IRS1: variants seen among roughly 807,000 people sequenced by gnomAD.
IRS1 encodes the protein insulin receptor substrate 1.
Under a neutral mutation model 65.6 loss-of-function variants are expected in IRS1, and 34 were observed. The observed-to-expected ratio is 0.52, with a 90% confidence interval of 0.39 to 0.69. The LOEUF (loss-of-function observed/expected upper bound fraction) is 0.69, where lower values mean the gene tolerates loss of function less well. Ranked by LOEUF, IRS1 falls within the 30% of genes least tolerant of loss-of-function variation. IRS1 has a pLI of 0.00. For missense variants in IRS1, 1,641 were observed against 1,720.2 expected (o/e 0.95, Z 0.81); for synonymous variants, 699 against 683.5 (o/e 1.02, Z -0.35).
chr2:226,791,236 G>C (rs995417957), intron 1 of IRS1, among the ~76,000 whole-genome samples: 2 of 152,134 alleles, frequency 1.3e-5, no homozygotes, highest in Non-Finnish European at 2.9e-5. Context: ...CTTGGTTGAG[G>C]GGGGCGGGCA....
rs916618081 is a variant in IRS1 at position 226,799,511 on chromosome 2, G to A, written c.-773C>T. On this transcript the variant is annotated 5_prime_UTR_variant, in exon 1 of 2. Transcript: ENST00000305123. This position sits in a 1 kb window ranked among gnomAD's most constrained non-coding sequence, Gnocchi z 6.1. ...CCACTGCAGCTGGGGACCGGCCGGA[G>A]GGACAGACTCATCCCTGCCCCTCGC... 8.0e-6 allele frequency: 9 copies of A among 1,129,988 alleles called. No homozygotes were observed. The East Asian group carries it at 6.6e-4, about 82-fold the overall frequency. The allele number at this position is 1,129,988 out of a possible 1,614,324, so 70.0% of individuals were successfully genotyped here.
Position 226,798,503 on chromosome 2 carries a change from T to G in IRS1, c.236A>C (p.Lys79Thr), listed in dbSNP as rs1288365568. 1.2e-6 allele frequency: 2 copies of G among 1,614,002 alleles called. No homozygotes were observed. The highest frequency in any genetic ancestry group is 1.7e-6 in the Non-Finnish European group (2 of 1,180,036). ...CFNINKRADS[K>T]NKHLVALYTR... ...GTAGAGAGCCACCAGGTGCTTGTTCTTGGAGTCAGCCCGCTTGTTGATGTT... is the reference window on the plus strand; with the variant it reads ...GTAGAGAGCCACCAGGTGCTTGTTCGTGGAGTCAGCCCGCTTGTTGATGTT... The change falls in exon 1 of 2, where the codon AAG becomes ACG. Residue 79 changes from lysine (K) to threonine (T), a missense_variant. Coordinates refer to ENST00000305123, the MANE Select transcript of IRS1 (RefSeq NM_005544.3). The surrounding 1 kb of genome is among the most constrained non-coding windows in gnomAD (Gnocchi z 9.4).
intron 1 of IRS1, among the ~76,000 whole-genome samples, chr2:226,784,036 ATCC>A: frequency 6.6e-6 from 1 of 152,086 alleles, no homozygotes; most frequent in East Asian, 1.9e-4. Flanking sequence ...CCCCCAGTCA[ATCC>A]TCCAACTGAC....
intron 1 of IRS1, among the ~76,000 whole-genome samples, chr2:226,746,292 TG>T (rs899442862): frequency 1.3e-5 from 2 of 152,164 alleles, no homozygotes; most frequent in African/African-American, 2.4e-5. Flanking sequence ...TTATGATTGT[TG>T]GGGGTGGGGG....
At chr2:226,775,574 A>G (rs559308446) in intron 1 of IRS1, among the ~76,000 whole-genome samples, 1 of 152,362 alleles carries the variant, frequency 6.6e-6, no homozygotes, top group East Asian at 1.9e-4. Flanking sequence ...GTTAGTACAC[A>G]CATACATTTC....
At chr2:226,758,267 A>G (rs549617764) in intron 1 of IRS1, among the ~76,000 whole-genome samples, 4 of 152,328 alleles carry the variant, frequency 2.6e-5, no homozygotes, top group East Asian at 3.9e-4. Flanking sequence ...ATTTTAAATA[A>G]TACTTGAAGA....
At position 226,799,709 on chromosome 2, in the gene IRS1, C is replaced by T. The variant is rs1284548169; in HGVS notation, c.-971G>A. On this transcript the variant is annotated 5_prime_UTR_variant, in exon 1 of 2. Coordinates refer to ENST00000305123, the MANE Select transcript of IRS1 (RefSeq NM_005544.3). This position sits in a 1 kb window ranked among gnomAD's most constrained non-coding sequence, Gnocchi z 6.1. ...GAGTTGCCGAGAGCCCCAACCAAAA[C>T]AAGCGGCGGCGTCTGGCTCTGCGCG... The T allele has an allele frequency of 5.6e-5, 56 of 999,806 alleles. No homozygotes were observed. The highest frequency in any genetic ancestry group is 1.0e-3 in the Middle Eastern group (2 of 1,940). 61.9% of individuals were successfully genotyped at this position (999,806 alleles called of 1,614,324 possible).
At position 226,733,062 on chromosome 2, in the gene IRS1, TC is replaced by T. The variant is rs1938260864; in HGVS notation, c.*3209del. 6.6e-6 allele frequency: 1 copy of T among 152,012 alleles called. No individual in the cohort carries two copies. The highest frequency in any genetic ancestry group is 1.5e-5 in the Non-Finnish European group (1 of 68,000). 9.4% of individuals were successfully genotyped at this position (152,012 alleles called of 1,614,324 possible). A position where few individuals can be genotyped will look rare whatever the true frequency, so the allele number is the denominator to read the frequency against. On this transcript the variant is annotated 3_prime_UTR_variant, in exon 2 of 2. Transcript: ENST00000305123. ...GTTGTCAGTGGATGGTGAAACCCTT[TC>T]CCCCCTTTTTTTAACCACCTGCAGT...
intron 1 of IRS1, among the ~76,000 whole-genome samples, chr2:226,741,667 T>C (rs1311491132): frequency 3.3e-5 from 5 of 152,066 alleles, no homozygotes; most frequent in Non-Finnish European, 7.4e-5. Context: ...TCACTGCTGA[T>C]ACACTTAATT....
At chr2:226,777,938 T>C (rs531757408) in intron 1 of IRS1, among the ~76,000 whole-genome samples, 142 of 152,304 alleles carry the variant, frequency 9.3e-4, no homozygotes, top group African/African-American at 3.0e-3. Context: ...ATATGTTGTA[T>C]TTGAAACCCA....
chr2:226,791,465 TGG>T (rs894995082), intron 1 of IRS1, among the ~76,000 whole-genome samples: 1 of 152,184 alleles, frequency 6.6e-6, no homozygotes, highest in African/African-American at 2.4e-5. Context: ...CCCCCGTCCG[TGG>T]GCTGGTTGGA....
chr2:226,796,988 T>C lies in IRS1; in HGVS notation c.1751A>G (p.Glu584Gly). 1 of 1,590,032 alleles carries C rather than the reference T, an allele frequency of 6.3e-7. No individual in the cohort carries two copies. Among genetic ancestry groups the C allele is most frequent in the Non-Finnish European group, 8.6e-7 (1 of 1,164,834 alleles). The change falls in exon 1 of 2, where the codon GAG (glutamate) becomes GGG (glycine). Residue 584 changes from glutamate (E) to glycine (G), a missense_variant. By Grantham distance (98) the Glu-to-Gly change is moderately conservative. Transcript: ENST00000305123. ...CAAGGGGTGCATTTCCAGACCCTCC[T>C]CTGGGTAGGAGCGGGTGGGCACGAA... The part of the protein sequence containing the change: ...SAFVPTRSYP[E>G]EGLEMHPLER...
intron 1 of IRS1, among the ~76,000 whole-genome samples, chr2:226,756,959 T>TAATAAATAAATAAATA (rs71036150): frequency 1.4e-5 from 2 of 145,164 alleles, no homozygotes; most frequent in East Asian, 2.0e-4. Context: ...AGACTCCGTC[T>TAATAAATAAATAAATA]AATAAATAAA....
At position 226,797,748 on chromosome 2, in the gene IRS1, C is replaced by T; in HGVS notation, c.991G>A (p.Asp331Asn). The T allele has an allele frequency of 6.3e-7, 1 of 1,596,078 alleles. No individual in the cohort carries two copies. Among genetic ancestry groups the T allele is most frequent in the Non-Finnish European group, 8.5e-7 (1 of 1,176,644 alleles). Reference sequence around the variant, plus strand: ...GGGCGGGACATGGTGCCTTCGCCGTCACTGGAGGCGCGGACACGGAAGGAG... The same window carrying T: ...GGGCGGGACATGGTGCCTTCGCCGTTACTGGAGGCGCGGACACGGAAGGAG... ...PGSFRVRASS[D>N]GEGTMSRPAS... is the part of the protein sequence containing the mutation. Residue 331 changes from aspartate to asparagine, a missense_variant, in exon 1 of 2, where the codon GAC (aspartate) becomes AAC (asparagine). Around this residue, in one of 3 missense-constraint regions of IRS1, gnomAD observed 1,324 missense variants for 1,361.0 expected, o/e 0.97. Transcript: ENST00000305123. This position sits in a 1 kb window ranked among gnomAD's most constrained non-coding sequence, Gnocchi z 8.1.
In IRS1 at chr2:226,798,278, A is replaced by ACGTCAC. The variant is rs1406122404; in HGVS notation, c.455_460dup (p.Gly152_Asp153dup). The ACGTCAC allele has an allele frequency of 6.2e-7, 1 of 1,613,056 alleles. No individual in the cohort carries two copies. Among genetic ancestry groups the ACGTCAC allele is most frequent in the South Asian group, 1.1e-5 (1 of 91,078 alleles). On this transcript the variant is annotated inframe_insertion, in exon 1 of 2. Transcript: ENST00000305123. The surrounding 1 kb of genome is among the most constrained non-coding windows in gnomAD (Gnocchi z 9.4). ...CTCTTTGAATGCGGGTCCTGGGGGCACGTCACCGTAGCTCAAGTCCTCCCC... is the reference window on the plus strand; with the variant it reads ...CTCTTTGAATGCGGGTCCTGGGGGCACGTCACCGTCACCGTAGCTCAAGTCCTCCCC...
chr2:226,780,455 CTTA>C (rs1345146441), intron 1 of IRS1, among the ~76,000 whole-genome samples: 4 of 152,048 alleles, frequency 2.6e-5, no homozygotes, highest in Admixed American at 1.3e-4. Context: ...TGATATAATG[CTTA>C]TTTTTCAAAT....
chr2:226,789,665 C>T (rs1359705601), intron 1 of IRS1, among the ~76,000 whole-genome samples: 2 of 152,166 alleles, frequency 1.3e-5, no homozygotes, highest in Non-Finnish European at 2.9e-5. Flanking sequence ...GTGTTAATTT[C>T]CACAGTGTGC....
At chr2:226,782,862 A>C (rs1453656223) in intron 1 of IRS1, among the ~76,000 whole-genome samples, 4 of 152,154 alleles carry the variant, frequency 2.6e-5, no homozygotes, top group Non-Finnish European at 4.4e-5. Context: ...TTAGCCTGGC[A>C]TGGTGGCGCA....
At chr2:226,750,596 A>G (rs1038956714) in intron 1 of IRS1, among the ~76,000 whole-genome samples, 1 of 152,206 alleles carries the variant, frequency 6.6e-6, no homozygotes, top group Non-Finnish European at 1.5e-5. Context: ...ATTTAGTTCA[A>G]AATGTTTTAA....
Sources: gnomAD v4.1 joint callset for allele counts (sites outside exome capture counted in the v4.1 genomes callset) on GRCh38, gnomAD v4.1.1 for gene constraint, gnomAD v4.1.1 regional missense constraint, Gnocchi (gnomAD v3.1) non-coding constraint, MANE v1.5 for transcripts, NCBI Gene and HGNC (gene_info 2026-07-23, HGNC 2026-07-21) for gene names.